The following NSL1 variants were observed in gnomAD, a reference collection of about 807,000 sequenced individuals.
NSL1 encodes the protein kinetochore-associated protein NSL1 homolog.
A neutral mutation model predicts 25.4 loss-of-function variants in NSL1; 11 were observed. The observed-to-expected ratio is 0.43, with a 90% CI of 0.27 to 0.72. The LOEUF (loss-of-function observed/expected upper bound fraction) is 0.72, where lower values mean the gene tolerates loss of function less well. Among genes scored for constraint, NSL1 ranks in the 30% least tolerant of loss-of-function variants. The pLI, the probability that NSL1 is intolerant of heterozygous loss-of-function variation, is 0.19. For missense variants in NSL1, 330 were observed against 342.7 expected (o/e 0.96, Z 0.29); for synonymous variants, 118 against 120.6 (o/e 0.98, Z 0.14).
intron 4 of NSL1, among the ~76,000 whole-genome samples, chr1:212,779,304 A>G (rs370174977): frequency 0.21 from 25,015 of 116,704 alleles, 2,929 homozygotes; most frequent in African/African-American, 0.37. Context: ...CCCCCCGCCC[A>G]GCCAGCCGCC....
At position 212,732,571 on chromosome 1, in the gene NSL1, G is replaced by A. The variant is rs577189209; in HGVS notation, c.*5837C>T. Reference sequence around the variant, plus strand: ...GGCCTCCCAAGGTGCTGGGATTACAGGTGTGAGCCACCGCACCCGGCCTAC... The same window carrying A: ...GGCCTCCCAAGGTGCTGGGATTACAAGTGTGAGCCACCGCACCCGGCCTAC... On this transcript the variant is annotated 3_prime_UTR_variant, in exon 6 of 6. Coordinates refer to ENST00000366977, the MANE Select transcript of NSL1 (RefSeq NM_015471.4). The A allele has an allele frequency of 3.0e-5, 29 of 968,732 alleles. No individual in the cohort carries two copies. Among genetic ancestry groups the A allele is most frequent in the East Asian group, 1.1e-4 (1 of 8,736 alleles). The allele number at this position is 968,732 out of a possible 1,614,324, so 60.0% of individuals were successfully genotyped here.
In NSL1 at chr1:212,732,231, C is replaced by T. The variant is rs542473739; in HGVS notation, c.*6177G>A. 3.1e-6 allele frequency: 3 copies of T among 981,444 alleles called. No individual in the cohort carries two copies. In the African/African-American group the frequency reaches 5.3e-5, roughly 17 times the overall value. 60.8% of individuals were successfully genotyped at this position (981,444 alleles called of 1,614,324 possible). ...CATATTACAAAACATCTCCTTTATA[C>T]AATTTTCTGCATAGTTAACATTATC... On this transcript the variant is annotated 3_prime_UTR_variant, in exon 6 of 6. Coordinates refer to ENST00000366977, the MANE Select transcript of NSL1 (RefSeq NM_015471.4).
At chr1:212,774,884 ACAG>A (rs1660285011) in intron 4 of NSL1, among the ~76,000 whole-genome samples, 1 of 152,264 alleles carries the variant, frequency 6.6e-6, no homozygotes, top group Non-Finnish European at 1.5e-5. Flanking sequence ...ATGAATGTTC[ACAG>A]CAGCATCATT....
Position 212,727,268 on chromosome 1 carries a change from G to A in NSL1, c.*11140C>T. 8.8e-6 allele frequency: 12 copies of A among 1,365,384 alleles called. No individual in the cohort carries two copies. The highest frequency in any genetic ancestry group is 1.1e-5 in the Non-Finnish European group (12 of 1,051,902). The allele number at this position is 1,365,384 out of a possible 1,614,324, so 84.6% of individuals were successfully genotyped here. ...CTTTCAAGACTTGCCTTGAGACTCA[G>A]AGCTGTTTCACAACCCTTTGTTCCA... On this transcript the variant is annotated 3_prime_UTR_variant, in exon 6 of 6. Transcript: ENST00000366977.
intron 4 of NSL1, among the ~76,000 whole-genome samples, chr1:212,767,222 T>C (rs997518784): frequency 4.6e-5 from 7 of 152,130 alleles, no homozygotes; most frequent in Admixed American, 2.6e-4. Flanking sequence ...CAAAACAACA[T>C]GGTACTGGTA....
intron 4 of NSL1, among the ~76,000 whole-genome samples, chr1:212,754,326 G>A (rs546124664): frequency 1.3e-5 from 2 of 152,234 alleles, no homozygotes; most frequent in South Asian, 4.1e-4. Context: ...AAAGCTGCAG[G>A]CCTACCGGTA....
At chr1:212,755,873 C>T (rs1047681723) in intron 4 of NSL1, among the ~76,000 whole-genome samples, 1 of 152,188 alleles carries the variant, frequency 6.6e-6, no homozygotes, top group East Asian at 1.9e-4. Context: ...AAGGTTAGAG[C>T]TACGGCAGTC....
chr1:212,785,893 A>T (rs1660920968), intron 2 of NSL1, among the ~76,000 whole-genome samples: 1 of 152,212 alleles, frequency 6.6e-6, no homozygotes. Context: ...ATTTTGAGAA[A>T]TTGCTGATAT....
intron 2 of NSL1, among the ~76,000 whole-genome samples, chr1:212,786,743 G>C (rs1367509081): frequency 6.6e-6 from 1 of 152,024 alleles, no homozygotes; most frequent in Non-Finnish European, 1.5e-5. Context: ...AGGAGGTGGA[G>C]GTTGCAGTGA....
intron 4 of NSL1, among the ~76,000 whole-genome samples, chr1:212,742,767 ATAAT>A (rs1658563069): frequency 6.6e-6 from 1 of 152,220 alleles, no homozygotes; most frequent in African/African-American, 2.4e-5. Context: ...ATTCAAAACT[ATAAT>A]TAGAATACTT....
At chr1:212,743,955 G>A (rs903870210) in intron 4 of NSL1, among the ~76,000 whole-genome samples, 2 of 152,146 alleles carry the variant, frequency 1.3e-5, no homozygotes, top group African/African-American at 4.8e-5. Context: ...CTCTCTGAAG[G>A]ACTAACACAA....
intron 1 of NSL1, among the ~76,000 whole-genome samples, chr1:212,788,626 T>C (rs1027148554): frequency 6.6e-6 from 1 of 152,164 alleles, no homozygotes; most frequent in African/African-American, 2.4e-5. Context: ...ACATTTCCTA[T>C]TACCCAACAA....
intron 4 of NSL1, among the ~76,000 whole-genome samples, chr1:212,749,339 GTTTTTTTT>G (rs10717383): frequency 2.3e-4 from 18 of 76,956 alleles, no homozygotes; most frequent in Non-Finnish European, 4.0e-4. Context: ...GTTTTATTGT[GTTTTTTTT>G]TTTTTTTTTT....
Position 212,728,438 on chromosome 1 carries a change from T to C in NSL1, c.*9970A>G. ...ATTACAGTTGTGGCTTTACTCAATC[T>C]CTTCCTTTTCTTTGGGTAATCTTTT... On this transcript the variant is annotated 3_prime_UTR_variant, in exon 6 of 6. Coordinates refer to ENST00000366977, the MANE Select transcript of NSL1 (RefSeq NM_015471.4). 1 of 985,472 alleles carries C rather than the reference T, an allele frequency of 1.0e-6. No individual in the cohort carries two copies. Among genetic ancestry groups the C allele is most frequent in the Non-Finnish European group, 1.2e-6 (1 of 829,936 alleles). The allele number at this position is 985,472 out of a possible 1,614,324, so 61.0% of individuals were successfully genotyped here.
In NSL1 at chr1:212,729,891, T is replaced by C. The variant is rs1657940272; in HGVS notation, c.*8517A>G. ...GGGGTGACCCAGGCAGCAAGGACCC[T>C]GAGGGGGCAGGTAACCAGAAGCTGC... is the stretch of plus-strand genomic sequence containing the variant. On this transcript the variant is annotated 3_prime_UTR_variant, in exon 6 of 6. Transcript: ENST00000366977. 6 of 985,086 alleles carry C rather than the reference T, an allele frequency of 6.1e-6. No individual in the cohort carries two copies. The highest frequency in any genetic ancestry group is 6.0e-6 in the Non-Finnish European group (5 of 829,874). The allele number at this position is 985,086 out of a possible 1,614,324, so 61.0% of individuals were successfully genotyped here. A position where few individuals can be genotyped will look rare whatever the true frequency, so the allele number is the denominator to read the frequency against.
intron 4 of NSL1, chr1:212,763,964 C>A: frequency 5.0e-6 from 2 of 397,678 alleles, no homozygotes; most frequent in Admixed American, 3.0e-5. Context: ...TTCCCAACAA[C>A]TGCAGAATAT....
At chr1:212,754,776 A>AAAAAAAAAAAAAAAAAAC (rs1414586955) in intron 4 of NSL1, among the ~76,000 whole-genome samples, 7 of 150,868 alleles carry the variant, frequency 4.6e-5, no homozygotes, top group African/African-American at 1.7e-4. Context: ...TCTCAAAAAA[A>AAAAAAAAAAAAAAAAAAC]AAAAAAAAAC....
intron 4 of NSL1, among the ~76,000 whole-genome samples, chr1:212,751,505 AAGTT>A (rs1659064487): frequency 6.6e-6 from 1 of 152,250 alleles, no homozygotes; most frequent in Non-Finnish European, 1.5e-5. Flanking sequence ...ATAAGAATAT[AAGTT>A]AACTAATGGT....
At position 212,791,660 on chromosome 1, in the gene NSL1, T is replaced by C. The variant is rs756540277; in HGVS notation, c.104A>G (p.Asp35Gly). Residue 35 changes from aspartate (D) to glycine (G), a missense_variant, in exon 1 of 6, where the codon GAC becomes GGC. By Grantham distance (94) the Asp-to-Gly change is moderately conservative. Coordinates refer to ENST00000366977, the MANE Select transcript of NSL1 (RefSeq NM_015471.4). The stretch of plus-strand genomic sequence containing the variant: ...CTTCGAGGTGCAGCGCACCCGAAAG[T>C]CTTCTCGGGGAGTGGCGGAGACCAA... ...QALVSATPRE[D>G]FRVRCTSKRA... is the part of the protein sequence containing the mutation. 3 of 1,613,730 alleles carry C rather than the reference T, an allele frequency of 1.9e-6. No homozygotes were observed. In the East Asian group the frequency reaches 6.7e-5, roughly 36 times the overall value.
Sources: allele counts gnomAD v4.1 joint callset (sites outside exome capture counted in the v4.1 genomes callset), GRCh38; gene constraint gnomAD v4.1.1; transcripts MANE v1.5; gene names NCBI Gene and HGNC (gene_info 2026-07-23, HGNC 2026-07-21).